The following PCDHGA7 variants were observed in gnomAD, a reference collection of about 807,000 sequenced individuals.
PCDHGA7 encodes the protein protocadherin gamma-A7.
In PCDHGA7, 44 loss-of-function variants were observed where a neutral mutation model predicts 58.3. The ratio of observed to expected loss-of-function variants is 0.75; its 90% CI spans 0.59 to 0.97. PCDHGA7 has a LOEUF of 0.97. Among genes scored for constraint, PCDHGA7 ranks in the 50% least tolerant of loss-of-function variants. The pLI, the probability that PCDHGA7 is intolerant of heterozygous loss-of-function variation, is 0.00. For missense variants in PCDHGA7, 1,266 were observed against 1,188.7 expected (o/e 1.06, Z -0.96); for synonymous variants, 516 against 504.2 (o/e 1.02, Z -0.31).
In PCDHGA7 at chr5:141,471,825, A is replaced by G. The variant is rs150400990; in HGVS notation, c.2425-22982A>G. Among the ~76,000 whole-genome samples, 61 of 152,344 alleles carry G rather than the reference A, an allele frequency of 4.0e-4. No individual in the cohort carries two copies. In the East Asian group the frequency reaches 0.011, roughly 27 times the overall value. ...ACATATAAAAGACTACCTATTTTAT[A>G]ATTCCTTTTTAATAAAATATTCAGA... On this transcript the variant is annotated intron_variant, in intron 1 of 3. Coordinates refer to ENST00000518325, the MANE Select transcript of PCDHGA7 (RefSeq NM_018920.4).
chr5:141,505,302 G>GTAC, intron 2 of PCDHGA7, 91 bp from the exon 3 acceptor site: 5 of 1,592,714 alleles, frequency 3.1e-6, no homozygotes, highest in Non-Finnish European at 4.3e-6. Context: ...TAGGGTTAGG[G>GTAC]TACTAGGTTT....
At position 141,486,905 on chromosome 5, in the gene PCDHGA7, C is replaced by G. The variant is rs1463391292; in HGVS notation, c.2425-7902C>G. On this transcript the variant is annotated intron_variant, in intron 1 of 3. Coordinates refer to ENST00000518325, the MANE Select transcript of PCDHGA7 (RefSeq NM_018920.4). This position sits in a 1 kb window ranked among gnomAD's most constrained non-coding sequence, Gnocchi z 5.0. ...GGCCCGGCCTGGTTCCTTATGTCCC[C>G]AAGCACTGCCTCCATCAGTTGGTGC... 1 of 1,614,250 alleles carries G rather than the reference C, an allele frequency of 6.2e-7. No individual in the cohort carries two copies. The highest frequency in any genetic ancestry group is 1.3e-5 in the African/African-American group (1 of 75,066).
Position 141,422,774 on chromosome 5 carries a change from A to G in PCDHGA7, c.2424+37451A>G, listed in dbSNP as rs372343628. On this transcript the variant is annotated intron_variant, in intron 1 of 3. Coordinates refer to ENST00000518325, the MANE Select transcript of PCDHGA7 (RefSeq NM_018920.4). ...ATTAACTCCAACACTGGTGTTCTCT[A>G]TGCCCTACAATCCTTCGACTATGAG... 100 of 1,613,880 alleles carry G rather than the reference A, an allele frequency of 6.2e-5. 1 individual carries two copies. In the Middle Eastern group the frequency reaches 1.3e-3, roughly 21 times the overall value.
intron 1 of PCDHGA7, chr5:141,418,857 T>G (rs1378155402): frequency 6.2e-7 from 1 of 1,613,988 alleles, no homozygotes; most frequent in South Asian, 1.1e-5. Context: ...CGGTGTAAAG[T>G]AATTGTAGAA....
chr5:141,485,095 TC>T lies in PCDHGA7; in HGVS notation c.2425-9710del, dbSNP rs1040164730. ...GCGCGGGGAAAGGGAGATAGGTGTCTCCAGCTGCTGTGGCTGTTTGGGGCGG... is the reference window on the plus strand; with the variant it reads ...GCGCGGGGAAAGGGAGATAGGTGTCTCAGCTGCTGTGGCTGTTTGGGGCGG... On this transcript the variant is annotated intron_variant, in intron 1 of 3. Coordinates refer to ENST00000518325, the MANE Select transcript of PCDHGA7 (RefSeq NM_018920.4). This position sits in a 1 kb window ranked among gnomAD's most constrained non-coding sequence, Gnocchi z 5.7. 6.8e-5 allele frequency: 76 copies of T among 1,115,798 alleles called. No homozygotes were observed. Among genetic ancestry groups the T allele is most frequent in the South Asian group, 4.6e-4 (33 of 71,042 alleles). The allele number at this position is 1,115,798 out of a possible 1,614,324, so 69.1% of individuals were successfully genotyped here. A position where few individuals can be genotyped will look rare whatever the true frequency, so the allele number is the denominator to read the frequency against.
chr5:141,444,282 C>T (rs1341316344), intron 1 of PCDHGA7, among the ~76,000 whole-genome samples: 1 of 148,268 alleles, frequency 6.7e-6, no homozygotes, highest in African/African-American at 2.5e-5. Flanking sequence ...AGTGATTCTC[C>T]TGCCTCAGCC....
chr5:141,478,685 A>G, intron 1 of PCDHGA7: 3 of 1,551,308 alleles, frequency 1.9e-6, no homozygotes, highest in Non-Finnish European at 2.6e-6. Context: ...GGCCCTTCCT[A>G]GATCAAAGTT....
chr5:141,497,384 A>G (rs2099776099), intron 2 of PCDHGA7, among the ~76,000 whole-genome samples: 1 of 151,900 alleles, frequency 6.6e-6, no homozygotes, highest in African/African-American at 2.4e-5. Context: ...TGGGGTGAGC[A>G]CCTTACCCCT....
intron 1 of PCDHGA7, among the ~76,000 whole-genome samples, chr5:141,449,081 C>T (rs2098627623): frequency 6.6e-6 from 1 of 152,180 alleles, no homozygotes; most frequent in South Asian, 2.1e-4. Flanking sequence ...CCTGTACCTA[C>T]ATCAGTTTTT....
At chr5:141,399,795 G>C in intron 1 of PCDHGA7, 2 of 1,613,204 alleles carry the variant, frequency 1.2e-6, no homozygotes, top group Non-Finnish European at 1.7e-6. Context: ...ACAACGCACC[G>C]CGGGTGCTGT....
intron 1 of PCDHGA7, chr5:141,427,047 C>T (rs1196561600): frequency 1.1e-5 from 5 of 457,294 alleles, no homozygotes; most frequent in Non-Finnish European, 1.8e-5. Flanking sequence ...GAATGTGCCC[C>T]CAGGCACCTC....
chr5:141,442,720 T>C (rs941034636), intron 1 of PCDHGA7, among the ~76,000 whole-genome samples: 1 of 152,202 alleles, frequency 6.6e-6, no homozygotes, highest in Non-Finnish European at 1.5e-5. Flanking sequence ...GCCAGAGCAT[T>C]TGGGGCCTGT....
intron 1 of PCDHGA7, chr5:141,441,971 G>C: frequency 3.3e-6 from 1 of 298,820 alleles, no homozygotes; most frequent in Admixed American, 4.4e-5. Flanking sequence ...AGGCTCTTCA[G>C]CCTGGAATGC....
At chr5:141,473,369 G>T (rs888984972) in intron 1 of PCDHGA7, among the ~76,000 whole-genome samples, 1 of 152,200 alleles carries the variant, frequency 6.6e-6, no homozygotes, top group Non-Finnish European at 1.5e-5. Flanking sequence ...CACCAAAATA[G>T]CATGGTCCCT....
rs1297213443 is a variant in PCDHGA7 at position 141,384,466 on chromosome 5, G to A, written c.1567G>A (p.Glu523Lys). ...VLYALQSFDY[E>K]QLRELQLRVT... is the part of the protein sequence containing the mutation. Reference sequence around the variant, plus strand: ...GTACGCGCTGCAATCCTTTGATTATGAGCAGTTGAGAGAACTACAACTAAG... The same window carrying A: ...GTACGCGCTGCAATCCTTTGATTATAAGCAGTTGAGAGAACTACAACTAAG... Residue 523 changes from glutamate (E) to lysine (K), a missense_variant, in exon 1 of 4, where the codon GAG becomes AAG. By Grantham distance (56) the Glu-to-Lys change is moderately conservative. Coordinates refer to ENST00000518325, the MANE Select transcript of PCDHGA7 (RefSeq NM_018920.4). 3 of 1,613,996 alleles carry A rather than the reference G, an allele frequency of 1.9e-6. No individual in the cohort carries two copies. The African/African-American group carries it at 4.0e-5, about 22-fold the overall frequency.
Position 141,410,369 on chromosome 5 carries a change from A to T in PCDHGA7, c.2424+25046A>T, listed in dbSNP as rs754541017. Reference sequence around the variant, plus strand: ...CCTGCGACGCTCTCTCAGCCCTGCTACTTGGGACTGCTTCCATCCTGGTCT... The same window carrying T: ...CCTGCGACGCTCTCTCAGCCCTGCTTCTTGGGACTGCTTCCATCCTGGTCT... On this transcript the variant is annotated intron_variant, in intron 1 of 3. Coordinates refer to ENST00000518325, the MANE Select transcript of PCDHGA7 (RefSeq NM_018920.4). The T allele has an allele frequency of 5.6e-6, 9 of 1,613,836 alleles. No homozygotes were observed. The African/African-American group carries it at 1.2e-4, about 22-fold the overall frequency.
Position 141,496,029 on chromosome 5 carries a change from C to T in PCDHGA7, c.2483+1164C>T, listed in dbSNP as rs548231443. ...TTGTCTTTTTTCTCTGAGCCTCTGTCTCTGTCTCTCATTTTTTTGTGCTTG... is the reference window on the plus strand; with the variant it reads ...TTGTCTTTTTTCTCTGAGCCTCTGTTTCTGTCTCTCATTTTTTTGTGCTTG... On this transcript the variant is annotated intron_variant, in intron 2 of 3. Coordinates refer to ENST00000518325, the MANE Select transcript of PCDHGA7 (RefSeq NM_018920.4). Among the ~76,000 whole-genome samples, 3 of 152,088 alleles carry T rather than the reference C, an allele frequency of 2.0e-5. No individual in the cohort carries two copies. In the East Asian group the frequency reaches 5.8e-4, roughly 29 times the overall value.
At chr5:141,404,395 CA>C (rs2094524205) in intron 1 of PCDHGA7, 7 of 1,613,768 alleles carry the variant, frequency 4.3e-6, no homozygotes, top group Non-Finnish European at 5.9e-6. Flanking sequence ...ACCCTGATAG[CA>C]ATGAGAATTC....
intron 1 of PCDHGA7, chr5:141,416,636 C>A (rs2096047139): frequency 6.6e-6 from 1 of 152,066 alleles, no homozygotes; most frequent in South Asian, 2.1e-4. Context: ...AATATAAACA[C>A]CAACCACAGC....
Sources: allele counts gnomAD v4.1 joint callset (sites outside exome capture counted in the v4.1 genomes callset), GRCh38; gene constraint gnomAD v4.1.1; non-coding constraint Gnocchi (gnomAD v3.1); transcripts MANE v1.5; gene names NCBI Gene and HGNC (gene_info 2026-07-23, HGNC 2026-07-21).